Variants in HUWE1 observed in about 807,000 individuals in gnomAD.
The protein encoded by HUWE1 is HECT, UBA and WWE domain containing E3 ubiquitin protein ligase 1.
In HUWE1, 18 loss-of-function variants were observed where a neutral mutation model predicts 299.4. The observed-to-expected ratio is 0.06, with a 90% CI of 0.04 to 0.09. The LOEUF (loss-of-function observed/expected upper bound fraction) is 0.09, where lower values mean the gene tolerates loss of function less well. HUWE1 is among the 10% of genes least tolerant of loss of function. HUWE1 has a pLI of 1.00. For missense variants in HUWE1, 1,832 were observed against 3,462.3 expected (o/e 0.53, Z 11.82); for synonymous variants, 1,317 against 1,286.1 (o/e 1.02, Z -0.51).
chrX:53,606,156 C>T (rs2065141672), intron 25 of HUWE1, among the ~76,000 whole-genome samples: 1 of 111,514 alleles, frequency 9.0e-6, no homozygotes, highest in South Asian at 3.7e-4. Flanking sequence ...CAAAGACAAC[C>T]AAGAAAAGGC....
intron 19 of HUWE1, among the ~76,000 whole-genome samples, chrX:53,624,103 CCTCT>C (rs1557014770): frequency 1.8e-5 from 2 of 112,133 alleles, no homozygotes; most frequent in Admixed American, 9.4e-5. Flanking sequence ...ATCTACCCGG[CCTCT>C]CTGTTTTATA....
rs1344257426 is a variant in HUWE1 at position 53,548,700 on chromosome X, T to C, written c.10035+259A>G. On this transcript the variant is annotated intron_variant, in intron 67 of 83. Coordinates refer to ENST00000262854, the MANE Select transcript of HUWE1 (RefSeq NM_031407.7). ...ATAAGACAAAATGAATAAAATGTTC[T>C]GAATCTCAGGTTCTTCATCTGTAAA... Among the ~76,000 whole-genome samples the C allele has an allele frequency of 2.7e-5, 3 of 112,671 alleles. No homozygotes were observed. In the East Asian group the frequency reaches 8.3e-4, roughly 31 times the overall value.
intron 66 of HUWE1, among the ~76,000 whole-genome samples, chrX:53,549,814 T>C (rs1340459447): frequency 9.4e-6 from 1 of 106,840 alleles, no homozygotes; most frequent in Non-Finnish European, 1.9e-5. Context: ...TGCAGTGGCG[T>C]GATACCGGCT....
chrX:53,611,316 T>C (rs1429566392), intron 23 of HUWE1, among the ~76,000 whole-genome samples: 1 of 108,955 alleles, frequency 9.2e-6, no homozygotes, highest in East Asian at 2.9e-4. Flanking sequence ...TACTCAGCAA[T>C]GAAAAGTAAC....
intron 6 of HUWE1, among the ~76,000 whole-genome samples, chrX:53,646,954 C>G (rs1472720330): frequency 8.1e-5 from 9 of 111,614 alleles, no homozygotes; most frequent in Admixed American, 2.9e-4. Context: ...TGGCAGAGTA[C>G]AGAGAGACTT....
chrX:53,641,365 TTC>T (rs1338486320), intron 7 of HUWE1, among the ~76,000 whole-genome samples: 35 of 112,264 alleles, frequency 3.1e-4, no homozygotes, highest in African/African-American at 8.4e-4. Context: ...TCTCATTTAT[TTC>T]TGTGTCTCAG....
chrX:53,642,763 A>C (rs2067692110), intron 7 of HUWE1, among the ~76,000 whole-genome samples: 1 of 112,318 alleles, frequency 8.9e-6, no homozygotes, highest in South Asian at 3.7e-4. Context: ...TACTCACATG[A>C]ATTTCCTGTT....
rs146067954 is a variant in HUWE1 at position 53,622,149 on chromosome X, C to A, written c.1672+2446G>T. Among the ~76,000 whole-genome samples, 352 of 111,389 alleles carry A rather than the reference C, an allele frequency of 3.2e-3. 1 individual carries two copies. The highest frequency in any genetic ancestry group is 9.2e-3 in the Middle Eastern group (2 of 217). On this transcript the variant is annotated intron_variant, in intron 19 of 83. Transcript: ENST00000262854. ...CACTGGGTGCTTCCATATTAAACTT[C>A]CCCCTTAAGGATTTCATGTCTTTCC...
intron 3 of HUWE1, among the ~76,000 whole-genome samples, chrX:53,674,371 A>C (rs1402268297): frequency 2.7e-5 from 3 of 111,783 alleles, no homozygotes; most frequent in Admixed American, 9.5e-5. Context: ...TCAGTGATTA[A>C]AAACTAGAAA....
At chrX:53,535,332 T>C in intron 81 of HUWE1, 52 bp downstream of exon 81, 1 of 784,567 alleles carries the variant, frequency 1.3e-6, no homozygotes, top group East Asian at 3.1e-5. Context: ...ATGAATCAAG[T>C]CCGACCTCTT....
intron 2 of HUWE1, among the ~76,000 whole-genome samples, chrX:53,681,850 A>G (rs1219257456): frequency 8.9e-6 from 1 of 112,403 alleles, no homozygotes; most frequent in Non-Finnish European, 1.9e-5. Flanking sequence ...CACCCCTTCC[A>G]AAAGGTAGAA....
chrX:53,628,712 A>C lies in HUWE1; in HGVS notation c.1114+40T>G, dbSNP rs782093656. On this transcript the variant is annotated intron_variant, in intron 14 of 83. Coordinates refer to ENST00000262854, the MANE Select transcript of HUWE1 (RefSeq NM_031407.7). ...TTAAAAAGACAAAGGCAGAGGGCAA[A>C]TGTTTCTTCTTGCCTAAGATAATCA... 5.8e-6 allele frequency: 7 copies of C among 1,207,216 alleles called. No individual in the cohort carries two copies. The South Asian group carries it at 1.2e-4, about 21-fold the overall frequency.
chrX:53,645,751 A>G (rs1312011002), intron 6 of HUWE1, among the ~76,000 whole-genome samples: 2 of 66,690 alleles, frequency 3.0e-5, no homozygotes, highest in South Asian at 6.3e-4. Flanking sequence ...ATATATATAT[A>G]TATATATATA....
chrX:53,542,702 C>T, intron 73 of HUWE1, 163 bp from the exon 74 acceptor site: 1 of 476,912 alleles, frequency 2.1e-6, no homozygotes, highest in Non-Finnish European at 3.7e-6. Context: ...GGATGCCTTT[C>T]CCAACTCTTC....
At chrX:53,589,425 AAATAG>A (rs782718155) in intron 36 of HUWE1, 117 bp downstream of exon 36, 1 of 666,825 alleles carries the variant, frequency 1.5e-6, no homozygotes, top group African/African-American at 2.1e-5. Context: ...GAAAGAATCC[AAATAG>A]AGAATATACC....
chrX:53,651,333 TAAG>T (rs1425450467), intron 4 of HUWE1, among the ~76,000 whole-genome samples: 1 of 110,852 alleles, frequency 9.0e-6, no homozygotes, highest in African/African-American at 3.3e-5. Flanking sequence ...TTGTGTGTGG[TAAG>T]AATACTTAAC....
chrX:53,685,454 T>G (rs2070397950), intron 2 of HUWE1, among the ~76,000 whole-genome samples: 1 of 112,400 alleles, frequency 8.9e-6, no homozygotes, highest in Non-Finnish European at 1.9e-5. Context: ...TTTTATTCGT[T>G]TCTCTTGCTA....
In HUWE1 at chrX:53,660,509, T is replaced by C. The variant is rs782640091; in HGVS notation, c.-24-6378A>G. On this transcript the variant is annotated intron_variant, in intron 3 of 83. Coordinates refer to ENST00000262854, the MANE Select transcript of HUWE1 (RefSeq NM_031407.7). Reference sequence around the variant, plus strand: ...ATCAACTTTAAAAATTTAGAAGTTGTTGTGTTCTCATATTTCTAAAACTGG... The same window carrying C: ...ATCAACTTTAAAAATTTAGAAGTTGCTGTGTTCTCATATTTCTAAAACTGG... 2.2e-4 allele frequency among the ~76,000 whole-genome samples: 25 copies of C among 112,273 alleles called. No individual in the cohort carries two copies. The East Asian group carries it at 3.3e-3, about 15-fold the overall frequency.
At chrX:53,576,099 C>T (rs961421244) in intron 44 of HUWE1, among the ~76,000 whole-genome samples, 6 of 111,674 alleles carry the variant, frequency 5.4e-5, no homozygotes, top group South Asian at 3.8e-4. Flanking sequence ...TAAACTATTT[C>T]GGGGAGGTGA....
Sources: allele counts gnomAD v4.1 joint callset (sites outside exome capture counted in the v4.1 genomes callset), GRCh38; gene constraint gnomAD v4.1.1; transcripts MANE v1.5; gene names NCBI Gene and HGNC (gene_info 2026-07-23, HGNC 2026-07-21).